ERBB4: variants seen among roughly 807,000 people sequenced by gnomAD.
ERBB4 encodes receptor tyrosine-protein kinase erbB-4.
ERBB4 carries 42 observed loss-of-function variants against 158.0 expected under a neutral mutation model. That is an observed-to-expected ratio of 0.27 (90% confidence interval 0.21 to 0.34). ERBB4 has a LOEUF of 0.34. Ranked by LOEUF, ERBB4 falls within the 10% of genes least tolerant of loss-of-function variation. The probability of loss-of-function intolerance (pLI) is 1.00; values close to 1 mark genes in which losing one functional copy is unlikely to be tolerated. For synonymous variants in ERBB4, 583 were observed against 558.7 expected (o/e 1.04, Z -0.61); for missense variants, 1,333 against 1,624.1 (o/e 0.82, Z 3.08).
chr2:212,047,820 G>A (rs2077295190), intron 2 of ERBB4, among the ~76,000 whole-genome samples: 1 of 151,964 alleles, frequency 6.6e-6, no homozygotes. Context: ...TTTATAGAAT[G>A]CTTGATATTT....
At chr2:211,942,383 G>T (rs974283149) in intron 3 of ERBB4, among the ~76,000 whole-genome samples, 12 of 150,610 alleles carry the variant, frequency 8.0e-5, no homozygotes, top group Non-Finnish European at 4.4e-5. Flanking sequence ...TTGGGACAGG[G>T]TCCCTCTGTG....
At chr2:212,310,854 TA>T (rs538617350) in intron 1 of ERBB4, among the ~76,000 whole-genome samples, 1 of 143,534 alleles carries the variant, frequency 7.0e-6, no homozygotes, top group South Asian at 2.3e-4. Flanking sequence ...AGTCACCATT[TA>T]AAAAGTTAAA....
At chr2:211,468,744 A>G (rs944046468) in intron 20 of ERBB4, among the ~76,000 whole-genome samples, 5 of 152,092 alleles carry the variant, frequency 3.3e-5, no homozygotes, top group Non-Finnish European at 7.4e-5. Context: ...TTACACCTCC[A>G]ACAAATAAAA....
intron 1 of ERBB4, among the ~76,000 whole-genome samples, chr2:212,495,881 GCTCT>G (rs1433940511): frequency 1.3e-5 from 2 of 152,102 alleles, no homozygotes; most frequent in Non-Finnish European, 2.9e-5. Flanking sequence ...AATTTATACA[GCTCT>G]CTATGATTAC....
chr2:211,829,174 T>C (rs1378143344), intron 3 of ERBB4, among the ~76,000 whole-genome samples: 1 of 152,210 alleles, frequency 6.6e-6, no homozygotes, highest in African/African-American at 2.4e-5. Context: ...GACTTACATG[T>C]ATTACTTCCA....
chr2:211,732,113 G>T (rs569309955), intron 5 of ERBB4, among the ~76,000 whole-genome samples: 4 of 152,056 alleles, frequency 2.6e-5, no homozygotes, highest in South Asian at 4.2e-4. Context: ...CTAATGAAAG[G>T]TTCCCATAGA....
intron 20 of ERBB4, among the ~76,000 whole-genome samples, chr2:211,455,071 TTC>T (rs2064346222): frequency 6.6e-6 from 1 of 152,268 alleles, no homozygotes; most frequent in African/African-American, 2.4e-5. Context: ...TCAACGGTGC[TTC>T]TCTGTCTTTA....
chr2:212,458,730 T>C (rs1479992915), intron 1 of ERBB4, among the ~76,000 whole-genome samples: 1 of 152,050 alleles, frequency 6.6e-6, no homozygotes, highest in East Asian at 1.9e-4. Context: ...AGACAGAAAC[T>C]ACTGTGGGCA....
chr2:211,391,678 T>C (rs1014611961), intron 25 of ERBB4, among the ~76,000 whole-genome samples: 3 of 152,234 alleles, frequency 2.0e-5, no homozygotes, highest in Non-Finnish European at 2.9e-5. Flanking sequence ...CGGTATTAAA[T>C]GCACTTTTAA....
At chr2:212,482,452 C>A (rs1689751938) in intron 1 of ERBB4, among the ~76,000 whole-genome samples, 1 of 152,128 alleles carries the variant, frequency 6.6e-6, no homozygotes, top group African/African-American at 2.4e-5. Flanking sequence ...TCATTTGATT[C>A]TTGCCAACAT....
intron 2 of ERBB4, among the ~76,000 whole-genome samples, chr2:211,978,396 G>GTCTGTCTA (rs77259627): frequency 0.087 from 11,812 of 135,808 alleles, 582 homozygotes; most frequent in Non-Finnish European, 0.11. Context: ...CTGTCTGTCT[G>GTCTGTCTA]TCTATCTATC....
intron 1 of ERBB4, among the ~76,000 whole-genome samples, chr2:212,362,624 T>C (rs1191224161): frequency 6.6e-6 from 1 of 150,986 alleles, no homozygotes; most frequent in East Asian, 1.9e-4. Context: ...TAAAAAATGG[T>C]TTATAAATTG....
intron 1 of ERBB4, among the ~76,000 whole-genome samples, chr2:212,410,190 T>C (rs2091456449): frequency 6.6e-6 from 1 of 152,018 alleles, no homozygotes; most frequent in African/African-American, 2.4e-5. Context: ...TTAAGAAATG[T>C]ATGATACCTG....
At chr2:211,769,735 C>G (rs2075643828) in intron 4 of ERBB4, among the ~76,000 whole-genome samples, 1 of 152,190 alleles carries the variant, frequency 6.6e-6, no homozygotes, top group Non-Finnish European at 1.5e-5. Context: ...AGCTGAAGAA[C>G]TTGGAGTCTG....
chr2:211,776,021 G>A (rs542488482), intron 4 of ERBB4, among the ~76,000 whole-genome samples: 5 of 152,244 alleles, frequency 3.3e-5, no homozygotes, highest in South Asian at 4.1e-4. Flanking sequence ...GTAAAGCACC[G>A]CCAAGTCCTT....
intron 1 of ERBB4, among the ~76,000 whole-genome samples, chr2:212,220,092 A>G (rs1024108320): frequency 6.6e-6 from 1 of 151,436 alleles, no homozygotes; most frequent in African/African-American, 2.4e-5. Context: ...TTTGGATAAT[A>G]AATCACTTTT....
At chr2:212,019,467 A>C (rs2076598616) in intron 2 of ERBB4, among the ~76,000 whole-genome samples, 1 of 152,144 alleles carries the variant, frequency 6.6e-6, no homozygotes, top group Admixed American at 6.5e-5. Flanking sequence ...AAGGGAAACA[A>C]GAATAGAAAA....
At chr2:212,492,392 A>G (rs1262560587) in intron 1 of ERBB4, among the ~76,000 whole-genome samples, 1 of 149,982 alleles carries the variant, frequency 6.7e-6, no homozygotes, top group African/African-American at 2.5e-5. Flanking sequence ...TCATTAATCT[A>G]AAATAAATTT....
chr2:211,691,945 G>A (rs189734295), intron 12 of ERBB4, among the ~76,000 whole-genome samples: 3 of 152,138 alleles, frequency 2.0e-5, no homozygotes, highest in African/African-American at 7.2e-5. Flanking sequence ...GTCGGAATCC[G>A]TTGAAAGGTT....
Sources: allele counts gnomAD v4.1 joint callset (sites outside exome capture counted in the v4.1 genomes callset), GRCh38; gene constraint gnomAD v4.1.1; transcripts MANE v1.5; gene names NCBI Gene and HGNC (gene_info 2026-07-23, HGNC 2026-07-21).